The following CCDC91 variants were observed in gnomAD, a reference collection of about 807,000 sequenced individuals.
The protein encoded by CCDC91 is coiled-coil domain containing 91.
In CCDC91, 48 loss-of-function variants were observed where a neutral mutation model predicts 63.2. That is an observed-to-expected ratio of 0.76 (90% CI 0.60 to 0.97). CCDC91 has a LOEUF of 0.97. Ranked by LOEUF, CCDC91 falls within the 50% of genes least tolerant of loss-of-function variation. The pLI, the probability that CCDC91 is intolerant of heterozygous loss-of-function variation, is 0.00. For synonymous variants in CCDC91, 167 were observed against 165.8 expected, an observed-to-expected ratio of 1.01 and a Z score of -0.06; for missense variants, 500 against 494.6, an observed-to-expected ratio of 1.01 and a Z score of -0.10.
At chr12:28,415,033 G>C (rs76369004) in intron 8 of CCDC91, among the ~76,000 whole-genome samples, 1 of 152,016 alleles carries the variant, frequency 6.6e-6, no homozygotes, top group African/African-American at 2.4e-5. Flanking sequence ...ACACTTATGC[G>C]GAGATACCTC....
intron 7 of CCDC91, among the ~76,000 whole-genome samples, chr12:28,383,586 C>T (rs2139131918): frequency 6.6e-6 from 1 of 152,118 alleles, no homozygotes; most frequent in African/African-American, 2.4e-5. Flanking sequence ...TGGATGTTGC[C>T]TAACTTCTGC....
At chr12:28,484,006 T>A (rs749372408) in intron 11 of CCDC91, 46 bp from the exon 12 acceptor site, 2 of 1,127,106 alleles carry the variant, frequency 1.8e-6, no homozygotes, top group Non-Finnish European at 2.7e-6. Flanking sequence ...CACAGATATG[T>A]CATAGTGCTC....
At chr12:28,455,517 G>A (rs1356737316) in intron 11 of CCDC91, among the ~76,000 whole-genome samples, 2 of 151,788 alleles carry the variant, frequency 1.3e-5, no homozygotes, top group African/African-American at 4.8e-5. Flanking sequence ...CTTCTTTTAG[G>A]GAAAATCCCT....
chr12:28,332,215 T>G (rs570805902), intron 6 of CCDC91, among the ~76,000 whole-genome samples: 3 of 152,262 alleles, frequency 2.0e-5, no homozygotes, highest in Admixed American at 2.0e-4. Context: ...GATCTGGGAC[T>G]TATTGCTTCA....
At chr12:28,219,468 ATT>A (rs752030088) in intron 1 of CCDC91, among the ~76,000 whole-genome samples, 13 of 121,610 alleles carry the variant, frequency 1.1e-4, no homozygotes, top group African/African-American at 2.3e-4. Context: ...CAGTGTAACC[ATT>A]TTTTTTTTTT....
At chr12:28,539,840 TTTTG>T (rs1408436622) in intron 12 of CCDC91, among the ~76,000 whole-genome samples, 1 of 152,060 alleles carries the variant, frequency 6.6e-6, no homozygotes, top group Non-Finnish European at 1.5e-5. Context: ...ATGGTATTAT[TTTTG>T]TTTGTTTGTT....
At chr12:28,495,187 T>C (rs1432081152) in intron 12 of CCDC91, among the ~76,000 whole-genome samples, 3 of 151,752 alleles carry the variant, frequency 2.0e-5, no homozygotes, top group Non-Finnish European at 4.4e-5. Flanking sequence ...GTGATATTAT[T>C]GCGATAGACG....
intron 11 of CCDC91, among the ~76,000 whole-genome samples, chr12:28,472,432 AG>A (rs1950868007): frequency 6.6e-6 from 1 of 152,212 alleles, no homozygotes; most frequent in Non-Finnish European, 1.5e-5. Flanking sequence ...TTATATAATG[AG>A]AAAAAAGTTA....
intron 6 of CCDC91, among the ~76,000 whole-genome samples, chr12:28,323,746 A>G (rs1488928378): frequency 6.6e-6 from 1 of 151,940 alleles, no homozygotes; most frequent in Admixed American, 6.6e-5. Context: ...GACTCAGAAT[A>G]TAAATAGGTC....
intron 7 of CCDC91, among the ~76,000 whole-genome samples, chr12:28,387,962 C>T (rs1396840172): frequency 6.6e-6 from 1 of 152,110 alleles, no homozygotes; most frequent in African/African-American, 2.4e-5. Flanking sequence ...GGAATCTCCA[C>T]GCTGTTTTCC....
chr12:28,538,755 C>T (rs898283169), intron 12 of CCDC91, among the ~76,000 whole-genome samples: 3 of 152,044 alleles, frequency 2.0e-5, no homozygotes, highest in Non-Finnish European at 4.4e-5. Context: ...TCTCCACATC[C>T]TCTCCAGCAC....
intron 1 of CCDC91, among the ~76,000 whole-genome samples, chr12:28,235,837 A>C (rs944682312): frequency 6.6e-6 from 1 of 151,722 alleles, no homozygotes; most frequent in Admixed American, 6.6e-5. Context: ...GCGTAGTGTT[A>C]TTTTTGTGTA....
At chr12:28,496,919 G>GGT (rs1952318458) in intron 12 of CCDC91, among the ~76,000 whole-genome samples, 1 of 141,454 alleles carries the variant, frequency 7.1e-6, no homozygotes, top group East Asian at 2.0e-4. Flanking sequence ...ACATATATAA[G>GGT]GTATATATAT....
chr12:28,508,314 C>A (rs1938983513), intron 12 of CCDC91, among the ~76,000 whole-genome samples: 2 of 151,830 alleles, frequency 1.3e-5, no homozygotes. Context: ...AACTGATTCT[C>A]ATCTCCCTTC....
intron 8 of CCDC91, among the ~76,000 whole-genome samples, chr12:28,424,509 G>T (rs1419472419): frequency 6.6e-6 from 1 of 152,042 alleles, no homozygotes; most frequent in Non-Finnish European, 1.5e-5. Flanking sequence ...TTGAATAAAT[G>T]ATACCTCATT....
intron 8 of CCDC91, among the ~76,000 whole-genome samples, chr12:28,423,136 CA>C (rs1948110778): frequency 6.6e-6 from 1 of 151,624 alleles, no homozygotes; most frequent in Non-Finnish European, 1.5e-5. Context: ...AAGGGACATG[CA>C]AAATAAAAAA....
chr12:28,491,365 T>C (rs931408576), intron 12 of CCDC91, among the ~76,000 whole-genome samples: 1 of 151,778 alleles, frequency 6.6e-6, no homozygotes, highest in Non-Finnish European at 1.5e-5. Flanking sequence ...ACCATGTCTT[T>C]TAAAGCTTAA....
At chr12:28,542,391 A>G (rs1942690302) in intron 12 of CCDC91, among the ~76,000 whole-genome samples, 1 of 152,082 alleles carries the variant, frequency 6.6e-6, no homozygotes. Context: ...GCATGCTGGG[A>G]AGTTACACAG....
intron 1 of CCDC91, among the ~76,000 whole-genome samples, chr12:28,238,980 A>G (rs1348890782): frequency 6.6e-6 from 1 of 151,960 alleles, no homozygotes; most frequent in African/African-American, 2.4e-5. Context: ...TTAGCTGGGC[A>G]TGATGGTGGG....
Sources: allele counts gnomAD v4.1 joint callset (sites outside exome capture counted in the v4.1 genomes callset), GRCh38; gene constraint gnomAD v4.1.1; transcripts MANE v1.5; gene names NCBI Gene and HGNC (gene_info 2026-07-23, HGNC 2026-07-21).